Variants in PILRA observed in about 807,000 individuals in gnomAD.
The protein encoded by PILRA is paired immunoglobulin-like type 2 receptor alpha.
A neutral mutation model predicts 33.1 loss-of-function variants in PILRA; 37 were observed. That is an observed-to-expected ratio of 1.12 (90% CI 0.86 to 1.47). The LOEUF (loss-of-function observed/expected upper bound fraction) is 1.47, where lower values mean the gene tolerates loss of function less well. Ranked by LOEUF, PILRA falls within the 40% of genes most tolerant of loss-of-function variation. The probability of loss-of-function intolerance (pLI) is 0.00; values close to 1 mark genes in which losing one functional copy is unlikely to be tolerated. For synonymous variants in PILRA, 146 were observed against 149.9 expected (o/e 0.97, Z 0.19); for missense variants, 312 against 376.2 (o/e 0.83, Z 1.41).
chr7:100,394,593 C>CAAAA (rs60131231), intron 3 of PILRA, among the ~76,000 whole-genome samples: 3 of 47,334 alleles, frequency 6.3e-5, no homozygotes, highest in East Asian at 7.8e-4. Context: ...GATTCTATCT[C>CAAAA]AAAAAAAAAA....
chr7:100,394,282 T>C (rs1468265881), intron 3 of PILRA, among the ~76,000 whole-genome samples: 2 of 152,056 alleles, frequency 1.3e-5, no homozygotes, highest in East Asian at 3.9e-4. Flanking sequence ...TACAGTGGCA[T>C]AATGACAAAA....
intron 3 of PILRA, among the ~76,000 whole-genome samples, chr7:100,397,178 G>A (rs1194609137): frequency 1.4e-5 from 2 of 144,860 alleles, no homozygotes; most frequent in East Asian, 3.9e-4. Context: ...CCCTGGAGTT[G>A]AGGGGTACCT....
In PILRA at chr7:100,378,786, G is replaced by C. The variant is rs141998462; in HGVS notation, c.454+4353G>C. On this transcript the variant is annotated intron_variant, in intron 2 of 6. Coordinates refer to ENST00000198536, the MANE Select transcript of PILRA (RefSeq NM_013439.3). ...ATTACTTTATGAATCCTTAATAATT[G>C]TCATTGTAAAAGTAATGCATAGGCA... Among the ~76,000 whole-genome samples the C allele has an allele frequency of 9.2e-5, 14 of 152,200 alleles. No individual in the cohort carries two copies. The East Asian group carries it at 2.7e-3, about 29-fold the overall frequency.
chr7:100,378,321 C>T (rs1791000879), intron 2 of PILRA, among the ~76,000 whole-genome samples: 1 of 152,172 alleles, frequency 6.6e-6, no homozygotes, highest in Non-Finnish European at 1.5e-5. Context: ...AACTGCACTC[C>T]AGCCTGAGTG....
rs1365223320 is a variant in PILRA at position 100,400,067 on chromosome 7, A to T, written c.*160A>T. The T allele has an allele frequency of 4.5e-5, 25 of 551,886 alleles. No homozygotes were observed. The highest frequency in any genetic ancestry group is 6.4e-5 in the Non-Finnish European group (22 of 341,868). 34.2% of individuals were successfully genotyped at this position (551,886 alleles called of 1,614,324 possible). A position where few individuals can be genotyped will look rare whatever the true frequency, so the allele number is the denominator to read the frequency against. On this transcript the variant is annotated 3_prime_UTR_variant, in exon 7 of 7. Transcript: ENST00000198536. ...AGATGCCATCTCTAGTTAAAAATATATATTAACAATAAAGTAACAAATTTA... is the reference window on the plus strand; with the variant it reads ...AGATGCCATCTCTAGTTAAAAATATTTATTAACAATAAAGTAACAAATTTA...
intron 2 of PILRA, among the ~76,000 whole-genome samples, chr7:100,374,941 A>G (rs1178952068): frequency 6.6e-6 from 1 of 152,144 alleles, no homozygotes; most frequent in Non-Finnish European, 1.5e-5. Flanking sequence ...GGAGCCCTGC[A>G]GTCCCTGGGT....
Position 100,399,276 on chromosome 7 carries a change from C to T in PILRA, c.708-15C>T. 2 of 1,601,000 alleles carry T rather than the reference C, an allele frequency of 1.2e-6. No homozygotes were observed. The highest frequency in any genetic ancestry group is 1.7e-6 in the Non-Finnish European group (2 of 1,169,120). On this transcript the variant is annotated splice_polypyrimidine_tract_variant and intron_variant, in intron 4 of 6. Transcript: ENST00000198536. ...CAACCTCTAACATATTTCCTGTCCT[C>T]TTGTTCCCATACAGGGAACCCTTCC...
chr7:100,394,976 T>A (rs1791465886), intron 3 of PILRA, among the ~76,000 whole-genome samples: 1 of 152,092 alleles, frequency 6.6e-6, no homozygotes, highest in Non-Finnish European at 1.5e-5. Context: ...AGGACAACAT[T>A]AAACTTAAAC....
intron 3 of PILRA, among the ~76,000 whole-genome samples, chr7:100,395,425 T>G (rs1026898879): frequency 6.6e-6 from 1 of 152,208 alleles, no homozygotes; most frequent in Non-Finnish European, 1.5e-5. Context: ...GCTGGCACCT[T>G]GATCTTGGAT....
intron 2 of PILRA, among the ~76,000 whole-genome samples, chr7:100,383,376 T>C (rs888617117): frequency 7.2e-5 from 11 of 152,124 alleles, no homozygotes; most frequent in Non-Finnish European, 1.3e-4. Flanking sequence ...ATAGAAGAAC[T>C]GGGAGCAGAC....
intron 3 of PILRA, among the ~76,000 whole-genome samples, chr7:100,391,791 A>T (rs1016104689): frequency 6.6e-6 from 1 of 152,232 alleles, no homozygotes; most frequent in Non-Finnish European, 1.5e-5. Context: ...GAAATCACCA[A>T]GTACAATGGG....
At chr7:100,373,317 G>C, upstream of PILRA, 1 of 513,052 alleles carries the variant, frequency 1.9e-6, no homozygotes. Flanking sequence ...ATCCAGGTGG[G>C]AGGGGCCCAG....
chr7:100,377,762 A>G (rs1373364206), intron 2 of PILRA, among the ~76,000 whole-genome samples: 1 of 151,976 alleles, frequency 6.6e-6, no homozygotes, highest in Non-Finnish European at 1.5e-5. Context: ...AAAAATTTGT[A>G]TGTAGTGATA....
chr7:100,384,147 G>A (rs1791195711), intron 2 of PILRA, among the ~76,000 whole-genome samples: 1 of 152,050 alleles, frequency 6.6e-6, no homozygotes, highest in African/African-American at 2.4e-5. Context: ...GGTATGAGAG[G>A]GAGGAAAGGA....
intron 2 of PILRA, among the ~76,000 whole-genome samples, chr7:100,383,172 C>T (rs1791157353): frequency 6.6e-6 from 1 of 152,102 alleles, no homozygotes; most frequent in Non-Finnish European, 1.5e-5. Context: ...GTGAGGCACA[C>T]TTGGGGAAAC....
chr7:100,383,305 C>T (rs1056070174), intron 2 of PILRA, among the ~76,000 whole-genome samples: 10 of 152,134 alleles, frequency 6.6e-5, no homozygotes, highest in Admixed American at 4.6e-4. Context: ...GAAGTTGTTA[C>T]AGGGCACCCG....
chr7:100,399,820 C>T lies in PILRA; in HGVS notation c.825C>T (p.Ser275=), dbSNP rs140582389. Residue 275 remains serine (S), a synonymous_variant, in exon 7 of 7, where the codon TCC becomes TCT. Coordinates refer to ENST00000198536, the MANE Select transcript of PILRA (RefSeq NM_013439.3). The part of the protein sequence containing the change: ...DGIVYASLAL[S]SSTSPRAPPS... ...TCGTCTATGCTTCCCTTGCCCTCTC[C>T]AGCTCCACCTCACCCAGAGCACCTC... The T allele has an allele frequency of 5.7e-5, 92 of 1,613,242 alleles. No individual in the cohort carries two copies. In the African/African-American group the frequency reaches 1.2e-3, roughly 21 times the overall value.
intron 3 of PILRA, among the ~76,000 whole-genome samples, chr7:100,391,532 C>T (rs909119731): frequency 2.0e-5 from 3 of 151,912 alleles, no homozygotes; most frequent in African/African-American, 7.3e-5. Context: ...ACAGAAAATA[C>T]AAAAATTAGC....
chr7:100,385,636 T>G (rs1210868995), intron 2 of PILRA, among the ~76,000 whole-genome samples: 1 of 152,148 alleles, frequency 6.6e-6, no homozygotes, highest in African/African-American at 2.4e-5. Context: ...TTATTTTTAT[T>G]TATTTATTTT....
Sources: gnomAD v4.1 joint callset for allele counts (sites outside exome capture counted in the v4.1 genomes callset) on GRCh38, gnomAD v4.1.1 for gene constraint, MANE v1.5 for transcripts, NCBI Gene and HGNC (gene_info 2026-07-23, HGNC 2026-07-21) for gene names.